COL19A1: variants seen among roughly 807,000 people sequenced by gnomAD.
COL19A1 encodes the protein collagen type XIX alpha 1 chain.
COL19A1 carries 159 observed loss-of-function variants against 190.2 expected under a neutral mutation model. The observed-to-expected ratio is 0.84, with a 90% CI of 0.73 to 0.95. COL19A1 has a LOEUF of 0.95. COL19A1 is among the 40% of genes least tolerant of loss of function. The pLI, the probability that COL19A1 is intolerant of heterozygous loss-of-function variation, is 0.00. For synonymous variants in COL19A1, 509 were observed against 458.9 expected (o/e 1.11, Z -1.39); for missense variants, 1,418 against 1,431.9 (o/e 0.99, Z 0.16).
At chr6:70,021,788 CATT>C (rs1562093373) in intron 11 of COL19A1, among the ~76,000 whole-genome samples, 13 of 152,108 alleles carry the variant, frequency 8.5e-5, no homozygotes, top group Non-Finnish European at 1.8e-4. Context: ...CTGAATTTTA[CATT>C]TAATTTAATT....
At chr6:70,143,422 C>T (rs778118107) in intron 23 of COL19A1, among the ~76,000 whole-genome samples, 8 of 152,086 alleles carry the variant, frequency 5.3e-5, no homozygotes, top group Non-Finnish European at 8.8e-5. Flanking sequence ...TTGGGAGCTG[C>T]GAGCTCTCCA....
rs567528243 is a variant in COL19A1 at position 70,041,024 on chromosome 6, T to C, written c.1170+5085T>C. 5.3e-4 allele frequency among the ~76,000 whole-genome samples: 80 copies of C among 152,204 alleles called. No homozygotes were observed. The South Asian group carries it at 6.9e-3, about 13-fold the overall frequency. On this transcript the variant is annotated intron_variant, in intron 14 of 50. Transcript: ENST00000620364. ...TACTTTTTTTAAACAAAATTTCATA[T>C]AGAGATACGGAAAAAAAGAAATGAA...
At chr6:70,119,487 A>G (rs923723583) in intron 16 of COL19A1, among the ~76,000 whole-genome samples, 7 of 152,168 alleles carry the variant, frequency 4.6e-5, no homozygotes, top group Non-Finnish European at 8.8e-5. Context: ...TAGAAGAGTG[A>G]TCACCCAGTA....
intron 1 of COL19A1, among the ~76,000 whole-genome samples, chr6:69,873,265 C>T (rs77272118): frequency 0.11 from 15,917 of 149,814 alleles, 1,044 homozygotes; most frequent in Middle Eastern, 0.31. Flanking sequence ...AAAAAAAAAA[C>T]GATCCTTAAT....
chr6:70,034,083 G>A (rs535198889), intron 12 of COL19A1, among the ~76,000 whole-genome samples, 162 bp from the exon 13 acceptor site: 1 of 152,170 alleles, frequency 6.6e-6, no homozygotes, highest in African/African-American at 2.4e-5. Context: ...CGGCACAGAT[G>A]TTGCTTATCA....
intron 46 of COL19A1, 124 bp from the exon 47 acceptor site, chr6:70,187,951 G>C (rs1020987806): frequency 2.7e-6 from 3 of 1,105,838 alleles, no homozygotes; most frequent in African/African-American, 3.2e-5. Context: ...AGGACACAGA[G>C]AGTTTAAGTT....
At chr6:70,187,780 A>C (rs1256422832) in intron 46 of COL19A1, among the ~76,000 whole-genome samples, 1 of 152,070 alleles carries the variant, frequency 6.6e-6, no homozygotes, top group Non-Finnish European at 1.5e-5. Context: ...CTAGATGGGC[A>C]ACCAAGCACA....
chr6:70,195,642 T>C (rs781039), intron 48 of COL19A1, among the ~76,000 whole-genome samples: 97 of 152,312 alleles, frequency 6.4e-4, no homozygotes, highest in African/African-American at 2.2e-3. Context: ...CCTAGCTGTA[T>C]AGAGAAAGGA....
intron 4 of COL19A1, among the ~76,000 whole-genome samples, chr6:69,923,492 G>A (rs1041214098): frequency 2.0e-5 from 3 of 152,176 alleles, no homozygotes; most frequent in Admixed American, 6.5e-5. Flanking sequence ...CCTGATCAGA[G>A]CTTGTAAGAA....
chr6:69,975,074 A>G (rs1454436035), intron 11 of COL19A1, among the ~76,000 whole-genome samples: 2 of 152,054 alleles, frequency 1.3e-5, no homozygotes, highest in East Asian at 1.9e-4. Flanking sequence ...CGGCCTCCCA[A>G]AGTGCTGGGA....
At chr6:69,973,038 G>T (rs1297649139) in intron 11 of COL19A1, among the ~76,000 whole-genome samples, 1 of 152,082 alleles carries the variant, frequency 6.6e-6, no homozygotes, top group African/African-American at 2.4e-5. Flanking sequence ...ATGAAAGTTT[G>T]GGGTCACATA....
chr6:69,922,872 A>G (rs1183709362), intron 4 of COL19A1, among the ~76,000 whole-genome samples: 1 of 152,102 alleles, frequency 6.6e-6, no homozygotes, highest in Non-Finnish European at 1.5e-5. Flanking sequence ...CACTCATTCA[A>G]CAGATAAAGT....
chr6:70,207,527 T>G lies in COL19A1; in HGVS notation c.*253T>G, dbSNP rs1481608242. ...TATGATTTTTACTCAGAGTTTTATATGAAATATGCAAGTAAATCTTATCGT... is the reference window on the plus strand; with the variant it reads ...TATGATTTTTACTCAGAGTTTTATAGGAAATATGCAAGTAAATCTTATCGT... On this transcript the variant is annotated 3_prime_UTR_variant, in exon 51 of 51. Transcript: ENST00000620364. 1 of 262,352 alleles carries G rather than the reference T, an allele frequency of 3.8e-6. No individual in the cohort carries two copies. Among genetic ancestry groups the G allele is most frequent in the African/African-American group, 2.2e-5 (1 of 45,298 alleles). The allele number at this position is 262,352 out of a possible 1,614,324, so 16.3% of individuals were successfully genotyped here. A position where few individuals can be genotyped will look rare whatever the true frequency, so the allele number is the denominator to read the frequency against.
chr6:69,959,067 A>C (rs979723472), intron 9 of COL19A1, among the ~76,000 whole-genome samples: 7 of 152,186 alleles, frequency 4.6e-5, no homozygotes, highest in African/African-American at 1.7e-4. Flanking sequence ...AATTCCTATA[A>C]GCAGGAAAAT....
intron 9 of COL19A1, among the ~76,000 whole-genome samples, chr6:69,954,663 A>G (rs1213981582): frequency 6.6e-6 from 1 of 152,040 alleles, no homozygotes; most frequent in African/African-American, 2.4e-5. Context: ...TGGAGAAAGT[A>G]TGCTCTTCCC....
chr6:69,891,308 T>C (rs1769336238), intron 2 of COL19A1: 1 of 152,788 alleles, frequency 6.5e-6, no homozygotes, highest in Admixed American at 6.5e-5. Flanking sequence ...TTTGGGAAAT[T>C]AACTCTTTCT....
intron 15 of COL19A1, among the ~76,000 whole-genome samples, chr6:70,082,373 T>C (rs1053364731): frequency 2.6e-5 from 4 of 152,200 alleles, no homozygotes; most frequent in Non-Finnish European, 5.9e-5. Context: ...GATTTCTATC[T>C]TAATGTCATT....
At chr6:70,130,032 C>T (rs1382041246) in intron 17 of COL19A1, 150 bp from the exon 18 acceptor site, 14 of 701,090 alleles carry the variant, frequency 2.0e-5, no homozygotes, top group Non-Finnish European at 3.3e-5. Context: ...TAACAACAGG[C>T]GAGAGAGACA....
chr6:70,034,363 C>A, intron 13 of COL19A1, 65 bp downstream of exon 13: 1 of 1,199,154 alleles, frequency 8.3e-7, no homozygotes, highest in Non-Finnish European at 1.2e-6. Context: ...TATGCAGTGA[C>A]TTCTCATTGA....
Sources: allele counts gnomAD v4.1 joint callset (sites outside exome capture counted in the v4.1 genomes callset), GRCh38; gene constraint gnomAD v4.1.1; transcripts MANE v1.5; gene names NCBI Gene and HGNC (gene_info 2026-07-23, HGNC 2026-07-21).